The following CTIF variants were observed in gnomAD, a reference collection of about 807,000 sequenced individuals.
CTIF encodes cap binding complex dependent translation initiation factor.
In CTIF, 21 loss-of-function variants were observed where a neutral mutation model predicts 66.0. The ratio of observed to expected loss-of-function variants is 0.32; its 90% CI spans 0.23 to 0.46. The LOEUF (loss-of-function observed/expected upper bound fraction) is 0.46. Ranked by LOEUF, CTIF falls within the 20% of genes least tolerant of loss-of-function variation. The pLI is 1.00. For synonymous variants in CTIF, 345 were observed against 326.4 expected (o/e 1.06, Z -0.62); for missense variants, 739 against 812.7 (o/e 0.91, Z 1.10).
intron 2 of CTIF, among the ~76,000 whole-genome samples, chr18:48,625,489 C>T (rs2090577376): frequency 6.6e-6 from 1 of 152,186 alleles, no homozygotes. Context: ...GTGCTACCAC[C>T]TCATTCTGCT....
At chr18:48,684,638 C>A (rs1013390997) in intron 6 of CTIF, among the ~76,000 whole-genome samples, 10 of 152,130 alleles carry the variant, frequency 6.6e-5, no homozygotes, top group Admixed American at 5.9e-4. Flanking sequence ...ATTAACGAAT[C>A]CTGCTTTCCT....
intron 6 of CTIF, among the ~76,000 whole-genome samples, chr18:48,683,759 G>A (rs1386165693): frequency 2.0e-5 from 3 of 152,286 alleles, no homozygotes; most frequent in Non-Finnish European, 4.4e-5. Context: ...GTTTCCTGGA[G>A]TGTGTCTCTT....
intron 7 of CTIF, among the ~76,000 whole-genome samples, chr18:48,727,893 T>C (rs996787150): frequency 2.0e-5 from 3 of 152,228 alleles, no homozygotes; most frequent in Non-Finnish European, 2.9e-5. Context: ...ATTTCCTAAT[T>C]TTAGCATCAT....
At position 48,730,696 on chromosome 18, in the gene CTIF, A is replaced by AGGTGTGAGGGGCCCCTGT. The variant is rs2092446866; in HGVS notation, c.584+19013_584+19014insCCCTGTGGTGTGAGGGGC. 1.5e-4 allele frequency among the ~76,000 whole-genome samples: 5 copies of AGGTGTGAGGGGCCCCTGT among 34,288 alleles called. 1 individual carries two copies. Among genetic ancestry groups the AGGTGTGAGGGGCCCCTGT allele is most frequent in the African/African-American group, 7.3e-4 (3 of 4,096 alleles). 22.5% of individuals were successfully genotyped at this position (34,288 alleles called of 152,430 possible). ...GCTTCTGCGGTGTGAGGAGCCCCTG[A>AGGTGTGAGGGGCCCCTGT]GGTGTGAGGGGCTTCCGCGGTGTGA... On this transcript the variant is annotated intron_variant, in intron 7 of 11. Transcript: ENST00000256413.
At chr18:48,662,564 C>G (rs2091364061) in intron 3 of CTIF, 2 of 151,624 alleles carry the variant, frequency 1.3e-5, no homozygotes, top group Admixed American at 6.6e-5. Context: ...TCTGTGGCGG[C>G]TGGAGTGCCT....
At chr18:48,795,870 C>T (rs955985622) in intron 9 of CTIF, among the ~76,000 whole-genome samples, 3 of 152,166 alleles carry the variant, frequency 2.0e-5, no homozygotes, top group Non-Finnish European at 4.4e-5. Context: ...CCATCCACAC[C>T]CTGGGAAAGC....
chr18:48,548,524 G>C (rs571441642), intron 1 of CTIF, among the ~76,000 whole-genome samples: 4 of 152,340 alleles, frequency 2.6e-5, no homozygotes, highest in Admixed American at 1.3e-4. Flanking sequence ...CTTGGCATCT[G>C]TGTGGGTCAC....
intron 6 of CTIF, among the ~76,000 whole-genome samples, chr18:48,700,692 C>T (rs945937851): frequency 6.6e-6 from 1 of 152,224 alleles, no homozygotes; most frequent in Non-Finnish European, 1.5e-5. Context: ...AACCTCAGAG[C>T]CTCTGTTCAC....
intron 7 of CTIF, among the ~76,000 whole-genome samples, chr18:48,756,869 G>A (rs1309125147): frequency 1.3e-5 from 2 of 152,238 alleles, no homozygotes; most frequent in East Asian, 3.8e-4. Context: ...TGTCAGATGA[G>A]CCTGTCTTGA....
intron 1 of CTIF, among the ~76,000 whole-genome samples, chr18:48,603,632 T>C (rs2090147889): frequency 1.3e-5 from 2 of 149,264 alleles, no homozygotes; most frequent in Non-Finnish European, 1.5e-5. Context: ...GATGGAAGGA[T>C]GGATGGATGG....
intron 1 of CTIF, among the ~76,000 whole-genome samples, chr18:48,604,559 C>A (rs982424398): frequency 6.6e-6 from 1 of 152,166 alleles, no homozygotes; most frequent in Non-Finnish European, 1.5e-5. Flanking sequence ...GAGAGGCCTC[C>A]AAGCTACTAA....
intron 3 of CTIF, among the ~76,000 whole-genome samples, chr18:48,652,852 A>G (rs1476510603): frequency 6.6e-6 from 1 of 152,224 alleles, no homozygotes; most frequent in Non-Finnish European, 1.5e-5. Context: ...GTAATCCATC[A>G]CATAAACAAA....
chr18:48,833,443 G>A (rs939840764), intron 10 of CTIF, among the ~76,000 whole-genome samples: 6 of 152,004 alleles, frequency 3.9e-5, no homozygotes, highest in South Asian at 2.1e-4. Context: ...TGGGAAAGAT[G>A]CCCTCTTTCC....
At chr18:48,757,404 AGTT>A (rs1908490706) in intron 7 of CTIF, among the ~76,000 whole-genome samples, 1 of 152,114 alleles carries the variant, frequency 6.6e-6, no homozygotes, top group Admixed American at 6.5e-5. Flanking sequence ...AAAAAAAAAA[AGTT>A]GTTTGAAAGG....
chr18:48,781,482 G>A (rs952545361), intron 9 of CTIF, among the ~76,000 whole-genome samples: 1 of 152,208 alleles, frequency 6.6e-6, no homozygotes, highest in Non-Finnish European at 1.5e-5. Context: ...TGGAGGAAAC[G>A]GGCTGGAGAG....
At chr18:48,762,804 G>A (rs1172068988) in intron 9 of CTIF, among the ~76,000 whole-genome samples, 2 of 152,184 alleles carry the variant, frequency 1.3e-5, no homozygotes, top group Non-Finnish European at 2.9e-5. Context: ...CATGTGGTTC[G>A]CAGTCTGCCG....
At chr18:48,586,431 C>T (rs889771921) in intron 1 of CTIF, among the ~76,000 whole-genome samples, 2 of 152,112 alleles carry the variant, frequency 1.3e-5, no homozygotes, top group East Asian at 1.9e-4. Flanking sequence ...CCACCATGCC[C>T]GGCTAATTTT....
chr18:48,757,956 C>A lies in CTIF; in HGVS notation c.622C>A (p.Gln208Lys), dbSNP rs1318424911. Residue 208 changes from glutamine (Q) to lysine (K), a missense_variant, in exon 8 of 12, where the codon CAG becomes AAG. Physicochemically the swap from Gln to Lys is moderately conservative, Grantham distance 53. Transcript: ENST00000256413. ...ACCTCCGGGGGGCAACAAGCCCCAACAGCATGGTGACCACCAGCCAGGCAG... is the reference window on the plus strand; with the variant it reads ...ACCTCCGGGGGGCAACAAGCCCCAAAAGCATGGTGACCACCAGCCAGGCAG... ...QRPPGGNKPQ[Q>K]HGDHQPGSAK... is the part of the protein sequence containing the mutation. 8 of 1,613,624 alleles carry A rather than the reference C, an allele frequency of 5.0e-6. No homozygotes were observed. Among genetic ancestry groups the A allele is most frequent in the Non-Finnish European group, 6.8e-6 (8 of 1,179,858 alleles).
chr18:48,686,114 A>C (rs1043078738), intron 6 of CTIF, among the ~76,000 whole-genome samples: 2 of 152,244 alleles, frequency 1.3e-5, no homozygotes, highest in Non-Finnish European at 2.9e-5. Flanking sequence ...CTGAAATGTC[A>C]TCATGCTGAT....
Sources: allele counts gnomAD v4.1 joint callset (sites outside exome capture counted in the v4.1 genomes callset), GRCh38; gene constraint gnomAD v4.1.1; transcripts MANE v1.5; gene names NCBI Gene and HGNC (gene_info 2026-07-23, HGNC 2026-07-21).